TXN: variants seen among roughly 807,000 people sequenced by gnomAD.
The protein encoded by TXN is ADF.
A neutral mutation model predicts 16.5 loss-of-function variants in TXN; 10 were observed. The observed-to-expected ratio is 0.61, with a 90% CI of 0.37 to 1.03. The LOEUF is 1.03. Among genes scored for constraint, TXN ranks in the 50% least tolerant of loss-of-function variants. The pLI, the probability that TXN is intolerant of heterozygous loss-of-function variation, is 0.01. For missense variants in TXN, 71 were observed against 122.5 expected, an observed-to-expected ratio of 0.58 and a Z score of 1.98; for synonymous variants, 35 against 39.4, an observed-to-expected ratio of 0.89 and a Z score of 0.42.
chr9:110,249,989 G>A (rs746639842), intron 3 of TXN, among the ~76,000 whole-genome samples: 1 of 152,078 alleles, frequency 6.6e-6, no homozygotes, highest in Admixed American at 6.5e-5. Flanking sequence ...AAAGGGCCCC[G>A]AAGTGATACC....
intron 3 of TXN, 42 bp from the exon 4 acceptor site, chr9:110,244,885 C>T (rs371112088): frequency 1.3e-6 from 2 of 1,521,980 alleles, no homozygotes; most frequent in African/African-American, 2.7e-5. Flanking sequence ...AAATACAAGA[C>T]TGCGAGTACT....
intron 1 of TXN, among the ~76,000 whole-genome samples, chr9:110,254,136 CCAA>C (rs4135171): frequency 0.21 from 31,637 of 152,014 alleles, 3,345 homozygotes; most frequent in East Asian, 0.23. Context: ...CCCTAAAGCA[CCAA>C]CAGAGTACCT....
intron 3 of TXN, among the ~76,000 whole-genome samples, chr9:110,249,175 A>G (rs1837696172): frequency 6.9e-6 from 1 of 145,348 alleles, no homozygotes; most frequent in Admixed American, 6.9e-5. Flanking sequence ...TTGCTATCTG[A>G]TAGGATCAGT....
intron 3 of TXN, 114 bp from the exon 4 acceptor site, chr9:110,244,957 G>A (rs4135221): frequency 0.11 from 75,467 of 687,600 alleles, 4,496 homozygotes; most frequent in Middle Eastern, 0.17. Context: ...CCACATTTCC[G>A]CATGAGGACA....
intron 3 of TXN, 92 bp downstream of exon 3, chr9:110,250,728 T>C: frequency 2.0e-6 from 2 of 1,017,250 alleles, no homozygotes; most frequent in Non-Finnish European, 3.0e-6. Flanking sequence ...TCTAGAATTA[T>C]TTGACATATT....
rs191654881 is a variant in TXN at position 110,252,949 on chromosome 9, C to T, written c.25-1487G>A. Among the ~76,000 whole-genome samples the T allele has an allele frequency of 2.1e-3, 313 of 152,152 alleles. 7 individuals carry two copies. Among genetic ancestry groups the T allele is most frequent in the Admixed American group, 0.02 (310 of 15,288 alleles). ...AACCACATTAGTACGTTAGTGCTGA[C>T]CAAACCCAAAAACCAAACCAGAGCA... On this transcript the variant is annotated intron_variant, in intron 1 of 4. Transcript: ENST00000374517.
At chr9:110,248,001 C>T (rs1837679836) in intron 3 of TXN, among the ~76,000 whole-genome samples, 1 of 151,962 alleles carries the variant, frequency 6.6e-6, no homozygotes, top group Non-Finnish European at 1.5e-5. Context: ...GTGTTTGAAT[C>T]TTAGTTTGTA....
intron 3 of TXN, among the ~76,000 whole-genome samples, chr9:110,246,566 C>G (rs918281884): frequency 1.3e-5 from 2 of 152,148 alleles, no homozygotes; most frequent in African/African-American, 2.4e-5. Flanking sequence ...AAAAGCTACA[C>G]AGGACAGCAA....
At chr9:110,248,505 G>C (rs557686155) in intron 3 of TXN, among the ~76,000 whole-genome samples, 1 of 152,168 alleles carries the variant, frequency 6.6e-6, no homozygotes, top group Non-Finnish European at 1.5e-5. Flanking sequence ...ACATAGCCTA[G>C]GTGTACAGGA....
rs1554695822 is a variant in TXN, at chr9:110,252,223, C to CAAAAAAGAAAAAAAAAAAAAA, written c.25-762_25-761insTTTTTTTTTTTTTTCTTTTTT. 1.7e-3 allele frequency among the ~76,000 whole-genome samples: 100 copies of CAAAAAAGAAAAAAAAAAAAAA among 58,306 alleles called. 3 individuals carry two copies. Among genetic ancestry groups the CAAAAAAGAAAAAAAAAAAAAA allele is most frequent in the Non-Finnish European group, 2.1e-3 (73 of 34,282 alleles). The allele number at this position is 58,306 out of a possible 152,430, so 38.3% of individuals were successfully genotyped here. A position where few individuals can be genotyped will look rare whatever the true frequency, so the allele number is the denominator to read the frequency against. ...TGGGCAATAGACGGAGACTCTGTCG[C>CAAAAAAGAAAAAAAAAAAAAA]AAAAAAAAAAAAAAAAAAAAAAGCT... On this transcript the variant is annotated intron_variant, in intron 1 of 4. Transcript: ENST00000374517.
intron 3 of TXN, among the ~76,000 whole-genome samples, chr9:110,245,653 TA>T (rs1468198524): frequency 6.2e-3 from 125 of 20,038 alleles, no homozygotes; most frequent in Non-Finnish European, 8.8e-3. Flanking sequence ...TATATATATA[TA>T]TTTTTTTTTT....
At chr9:110,249,986 C>A (rs1315725937) in intron 3 of TXN, among the ~76,000 whole-genome samples, 1 of 152,046 alleles carries the variant, frequency 6.6e-6, no homozygotes, top group Non-Finnish European at 1.5e-5. Context: ...TGTAAAGGGC[C>A]CCGAAGTGAT....
rs756370144 is a variant in TXN, at chr9:110,244,131, G to A, written c.*26C>T. ...AATTACAAGTTTTAAATAGCCAATGGCTGGTTATATTTTCAGAAAACATGA... is the reference window on the plus strand; with the variant it reads ...AATTACAAGTTTTAAATAGCCAATGACTGGTTATATTTTCAGAAAACATGA... On this transcript the variant is annotated 3_prime_UTR_variant, in exon 5 of 5. Transcript: ENST00000374517. 2.1e-6 allele frequency: 3 copies of A among 1,460,180 alleles called. No homozygotes were observed. Among genetic ancestry groups the A allele is most frequent in the Non-Finnish European group, 2.8e-6 (3 of 1,082,796 alleles). 90.5% of individuals were successfully genotyped at this position (1,460,180 alleles called of 1,614,324 possible). A position where few individuals can be genotyped will look rare whatever the true frequency, so the allele number is the denominator to read the frequency against.
At chr9:110,244,646 A>G (rs748402747) in intron 4 of TXN, 132 bp downstream of exon 4, 10 of 749,626 alleles carry the variant, frequency 1.3e-5, no homozygotes, top group Non-Finnish European at 2.2e-5. Flanking sequence ...ATTTTGGCAT[A>G]TTTAAAAATT....
At chr9:110,247,364 G>GCA (rs963944592) in intron 3 of TXN, among the ~76,000 whole-genome samples, 9 of 151,756 alleles carry the variant, frequency 5.9e-5, no homozygotes, top group African/African-American at 1.9e-4. Context: ...TGATCAGGGT[G>GCA]CACCAAGCAG....
chr9:110,244,370 GA>G (rs1470091587), intron 4 of TXN, 151 bp from the exon 5 acceptor site: 1 of 203,062 alleles, frequency 4.9e-6, no homozygotes, highest in Non-Finnish European at 9.4e-6. Context: ...AATGAAGGAA[GA>G]ATAGGGGTGG....
Position 110,244,232 on chromosome 9 carries a change from TATTGA to T in TXN, c.256-18_256-14del. 3 of 1,543,878 alleles carry T rather than the reference TATTGA, an allele frequency of 1.9e-6. No individual in the cohort carries two copies. Among genetic ancestry groups the T allele is most frequent in the Non-Finnish European group, 2.6e-6 (3 of 1,142,436 alleles). ...AAAATTCACCCACCTGTTAAGAGAA[TATTGA>T]ATTGACATTAGACGTAGCACTGTAG... On this transcript the variant is annotated splice_polypyrimidine_tract_variant and intron_variant, in intron 4 of 4. Coordinates refer to ENST00000374517, the MANE Select transcript of TXN (RefSeq NM_003329.4).
chr9:110,253,165 C>T (rs767117499), intron 1 of TXN, among the ~76,000 whole-genome samples: 5 of 147,436 alleles, frequency 3.4e-5, no homozygotes, highest in Non-Finnish European at 6.0e-5. Flanking sequence ...AAAAAAAAAC[C>T]CAACAAGAAA....
At chr9:110,245,633 TA>T (rs1837642134) in intron 3 of TXN, among the ~76,000 whole-genome samples, 4 of 23,972 alleles carry the variant, frequency 1.7e-4, no homozygotes, top group African/African-American at 6.2e-4. Context: ...TATATATATA[TA>T]TATATATATA....
Sources: gnomAD v4.1 joint callset for allele counts (sites outside exome capture counted in the v4.1 genomes callset) on GRCh38, gnomAD v4.1.1 for gene constraint, MANE v1.5 for transcripts, NCBI Gene and HGNC (gene_info 2026-07-23, HGNC 2026-07-21) for gene names.